ADCY2: variants seen among roughly 807,000 people sequenced by gnomAD.
ADCY2 encodes adenylate cyclase type 2.
ADCY2 carries 31 observed loss-of-function variants against 125.2 expected under a neutral mutation model. The ratio of observed to expected loss-of-function variants is 0.25; its 90% CI spans 0.19 to 0.33. The LOEUF (loss-of-function observed/expected upper bound fraction) is 0.33, where lower values mean the gene tolerates loss of function less well. Ranked by LOEUF, ADCY2 falls within the 10% of genes least tolerant of loss-of-function variation. The probability of loss-of-function intolerance (pLI) is 1.00; values close to 1 mark genes in which losing one functional copy is unlikely to be tolerated. For synonymous variants in ADCY2, 512 were observed against 548.4 expected, an observed-to-expected ratio of 0.93 and a Z score of 0.93; for missense variants, 904 against 1,418.2, an observed-to-expected ratio of 0.64 and a Z score of 5.82.
chr5:7,812,053 G>T (rs1485142740), intron 22 of ADCY2, among the ~76,000 whole-genome samples: 2 of 152,138 alleles, frequency 1.3e-5, no homozygotes, highest in Non-Finnish European at 2.9e-5. Context: ...GAGAATCTGC[G>T]AAGATTAGAG....
intron 21 of ADCY2, 37 bp from the exon 22 acceptor site, chr5:7,804,548 C>A (rs1050104317): frequency 6.7e-7 from 1 of 1,485,062 alleles, no homozygotes; most frequent in Admixed American, 1.7e-5. Context: ...AGGTCAGCAT[C>A]CAGCTGAGTA....
intron 4 of ADCY2, among the ~76,000 whole-genome samples, chr5:7,659,534 T>A (rs950208258): frequency 6.6e-6 from 1 of 152,228 alleles, no homozygotes; most frequent in African/African-American, 2.4e-5. Context: ...GCAATTGGTG[T>A]TGAAACCCAC....
intron 4 of ADCY2, among the ~76,000 whole-genome samples, chr5:7,669,140 A>T (rs1739850784): frequency 6.6e-6 from 1 of 152,226 alleles, no homozygotes; most frequent in Admixed American, 6.5e-5. Context: ...ATTAGAGGGA[A>T]TACACTGGTA....
chr5:7,580,224 A>G (rs1195878174), intron 3 of ADCY2, among the ~76,000 whole-genome samples: 1 of 152,208 alleles, frequency 6.6e-6, no homozygotes, highest in East Asian at 1.9e-4. Flanking sequence ...GTAAAAAAAC[A>G]AAAACCTTTA....
At chr5:7,456,272 A>C (rs917506116) in intron 2 of ADCY2, among the ~76,000 whole-genome samples, 1 of 152,214 alleles carries the variant, frequency 6.6e-6, no homozygotes, top group Non-Finnish European at 1.5e-5. Flanking sequence ...GATTTAAATG[A>C]AATGAATTTA....
chr5:7,721,338 T>G (rs1741750391), intron 12 of ADCY2, among the ~76,000 whole-genome samples: 2 of 152,244 alleles, frequency 1.3e-5, no homozygotes, highest in African/African-American at 4.8e-5. Flanking sequence ...TTTCTCCCAT[T>G]CTGTAGGTTG....
intron 7 of ADCY2, among the ~76,000 whole-genome samples, 189 bp from the exon 8 acceptor site, chr5:7,706,555 T>C (rs1250050755): frequency 1.3e-5 from 2 of 152,180 alleles, no homozygotes; most frequent in African/African-American, 4.8e-5. Flanking sequence ...AGAACATTGG[T>C]CTAATCTGGA....
intron 3 of ADCY2, among the ~76,000 whole-genome samples, chr5:7,524,402 A>G (rs756488077): frequency 2.0e-5 from 3 of 152,296 alleles, no homozygotes; most frequent in Non-Finnish European, 2.9e-5. Flanking sequence ...GACACCTGCA[A>G]ACACTGGGAA....
chr5:7,404,369 A>G (rs1174607115), intron 1 of ADCY2, among the ~76,000 whole-genome samples: 4 of 152,312 alleles, frequency 2.6e-5, no homozygotes, highest in Admixed American at 1.3e-4. Flanking sequence ...CAGTCAGAAC[A>G]TATTAGATTA....
At position 7,802,720 on chromosome 5, in the gene ADCY2, T is replaced by A. The variant is rs1744636181; in HGVS notation, c.2775+356T>A. Among the ~76,000 whole-genome samples, 2 of 152,344 alleles carry A rather than the reference T, an allele frequency of 1.3e-5. No homozygotes were observed. Among genetic ancestry groups the A allele is most frequent in the South Asian group, 4.1e-4 (2 of 4,828 alleles). ...TGAATTATAATAGACTATTGGTGTG[T>A]CTGTGCCTACTTCAATGCCTTTGTC... On this transcript the variant is annotated intron_variant, in intron 21 of 24. Transcript: ENST00000338316. The surrounding 1 kb of genome is among the most constrained non-coding windows in gnomAD (Gnocchi z 4.6).
chr5:7,742,009 C>T (rs1187374128), intron 14 of ADCY2, among the ~76,000 whole-genome samples: 1 of 150,636 alleles, frequency 6.6e-6, no homozygotes, highest in East Asian at 2.0e-4. Flanking sequence ...AGATATCGTT[C>T]ATTCAGTATT....
intron 7 of ADCY2, among the ~76,000 whole-genome samples, chr5:7,701,355 T>C (rs1160572487): frequency 1.3e-5 from 2 of 152,216 alleles, no homozygotes; most frequent in Non-Finnish European, 2.9e-5. Flanking sequence ...GTTAATCCAA[T>C]GTCTTGAAGA....
At chr5:7,411,312 GT>G (rs1171282163) in intron 1 of ADCY2, among the ~76,000 whole-genome samples, 1 of 152,150 alleles carries the variant, frequency 6.6e-6, no homozygotes, top group Non-Finnish European at 1.5e-5. Flanking sequence ...AGGTGGGGGT[GT>G]GTGGTCTGAG....
intron 16 of ADCY2, among the ~76,000 whole-genome samples, chr5:7,759,595 C>T (rs1213068698): frequency 6.6e-6 from 1 of 152,192 alleles, no homozygotes; most frequent in East Asian, 1.9e-4. Context: ...TTGCATCACC[C>T]GAGGCTCATT....
chr5:7,764,480 C>T (rs1298356398), intron 16 of ADCY2, among the ~76,000 whole-genome samples: 1 of 152,098 alleles, frequency 6.6e-6, no homozygotes. Context: ...CTAATTCCAA[C>T]CAAATGACAA....
chr5:7,698,403 T>A lies in ADCY2; in HGVS notation c.1109+29T>A, dbSNP rs371575017. ...AGTGGACTGCTTAGTAAGCATTTTG[T>A]TATATGCTTTAAGTTCTGGGGTACA... On this transcript the variant is annotated intron_variant, in intron 7 of 24. Coordinates refer to ENST00000338316, the MANE Select transcript of ADCY2 (RefSeq NM_020546.3). 11 of 1,612,498 alleles carry A rather than the reference T, an allele frequency of 6.8e-6. No individual in the cohort carries two copies. In the African/African-American group the frequency reaches 1.5e-4, roughly 22 times the overall value.
intron 2 of ADCY2, among the ~76,000 whole-genome samples, chr5:7,422,412 C>A (rs2126353629): frequency 6.6e-6 from 1 of 152,190 alleles, no homozygotes; most frequent in Middle Eastern, 3.4e-3. Context: ...GGACCCTCCT[C>A]TGAGATGGTT....
At chr5:7,477,416 T>C (rs933527122) in intron 2 of ADCY2, among the ~76,000 whole-genome samples, 4 of 152,230 alleles carry the variant, frequency 2.6e-5, no homozygotes, top group Non-Finnish European at 5.9e-5. Flanking sequence ...ATTTATATTC[T>C]ACTTGCAGAA....
chr5:7,400,535 T>A (rs1739224382), intron 1 of ADCY2, among the ~76,000 whole-genome samples: 1 of 152,236 alleles, frequency 6.6e-6, no homozygotes, highest in South Asian at 2.1e-4. Flanking sequence ...CCAACTTTAT[T>A]ATTCCAGACA....
Sources: gnomAD v4.1 joint callset for allele counts (sites outside exome capture counted in the v4.1 genomes callset) on GRCh38, gnomAD v4.1.1 for gene constraint, Gnocchi (gnomAD v3.1) non-coding constraint, MANE v1.5 for transcripts, NCBI Gene and HGNC (gene_info 2026-07-23, HGNC 2026-07-21) for gene names.